SLC25A22: variants seen among roughly 807,000 people sequenced by gnomAD.
SLC25A22 encodes the protein mitochondrial glutamate carrier 1.
Under a neutral mutation model 33.7 loss-of-function variants are expected in SLC25A22, and 23 were observed. The observed-to-expected ratio is 0.68, with a 90% CI of 0.49 to 0.97. The LOEUF is 0.97. Ranked by LOEUF, SLC25A22 falls within the 50% of genes least tolerant of loss-of-function variation. SLC25A22 has a pLI of 0.00. For synonymous variants in SLC25A22, 245 were observed against 203.8 expected (o/e 1.20, Z -1.72); for missense variants, 390 against 451.1 (o/e 0.86, Z 1.23).
At chr11:798,168 C>T (rs1272748801) in intron 1 of SLC25A22, 49 bp downstream of exon 1, 2 of 397,670 alleles carry the variant, frequency 5.0e-6, no homozygotes, top group African/African-American at 2.1e-5. Flanking sequence ...CGCAGCCCGG[C>T]CGCGTTCGGA....
At position 791,646 on chromosome 11, in the gene SLC25A22, CAGGGCAGGATT is replaced by C. The variant is rs1207392352; in HGVS notation, c.*258_*268del. Reference sequence around the variant, plus strand: ...GCTCTGTCCCTGGGGGTGTTCAGGCCAGGGCAGGATTGGGGCAGGGGCTAGCTTGAGGAATG... The same window carrying C: ...GCTCTGTCCCTGGGGGTGTTCAGGCCGGGGCAGGGGCTAGCTTGAGGAATG... On this transcript the variant is annotated 3_prime_UTR_variant, in exon 10 of 10. Transcript: ENST00000628067. The C allele has an allele frequency of 5.6e-6, 3 of 536,614 alleles. No individual in the cohort carries two copies. The highest frequency in any genetic ancestry group is 1.0e-5 in the Non-Finnish European group (3 of 301,360). The allele number at this position is 536,614 out of a possible 1,614,324, so 33.2% of individuals were successfully genotyped here. A position where few individuals can be genotyped will look rare whatever the true frequency, so the allele number is the denominator to read the frequency against.
chr11:795,375 T>TCCCCCCCCC (rs1002951260), intron 1 of SLC25A22: 1 of 32,344 alleles, frequency 3.1e-5, no homozygotes, highest in African/African-American at 2.4e-4. Flanking sequence ...AGTCCCCCCC[T>TCCCCCCCCC]CCCCACCGCC....
rs548909007 is a variant in SLC25A22 at position 797,056 on chromosome 11, G to A, written c.-164+1161C>T. On this transcript the variant is annotated intron_variant, in intron 1 of 9. Transcript: ENST00000628067. ...CAGGGGTGTACCCTGGCCCTCCAGG[G>A]ACTGAGCAACCCCCTTCCTCCTGGG... Among the ~76,000 whole-genome samples, 14 of 152,290 alleles carry A rather than the reference G, an allele frequency of 9.2e-5. No individual in the cohort carries two copies. In the South Asian group the frequency reaches 2.5e-3, roughly 27 times the overall value.
chr11:792,104 C>G (rs753650062), intron 9 of SLC25A22, 36 bp from the exon 10 acceptor site: 2 of 1,603,418 alleles, frequency 1.2e-6, no homozygotes, highest in African/African-American at 2.7e-5. Flanking sequence ...GCCCGGTACG[C>G]AGGCCCCCAG....
chr11:791,648 G>A lies in SLC25A22; in HGVS notation c.*267C>T. The A allele has an allele frequency of 1.8e-6, 1 of 540,958 alleles. No individual in the cohort carries two copies. The highest frequency in any genetic ancestry group is 2.1e-5 in the South Asian group (1 of 48,652). The allele number at this position is 540,958 out of a possible 1,614,324, so 33.5% of individuals were successfully genotyped here. On this transcript the variant is annotated 3_prime_UTR_variant, in exon 10 of 10. Coordinates refer to ENST00000628067, the MANE Select transcript of SLC25A22 (RefSeq NM_001191061.2). The stretch of plus-strand genomic sequence containing the variant: ...TCTGTCCCTGGGGGTGTTCAGGCCA[G>A]GGCAGGATTGGGGCAGGGGCTAGCT...
intron 8 of SLC25A22, 28 bp downstream of exon 8, chr11:792,276 C>T (rs1864565289): frequency 6.2e-7 from 1 of 1,613,086 alleles, no homozygotes. Context: ...CGCCCCATCC[C>T]CAGCCGGGCG....
rs1864535910 is a variant in SLC25A22 at position 791,851 on chromosome 11, A to G, written c.*64T>C. On this transcript the variant is annotated 3_prime_UTR_variant, in exon 10 of 10. Coordinates refer to ENST00000628067, the MANE Select transcript of SLC25A22 (RefSeq NM_001191061.2). Reference sequence around the variant, plus strand: ...GTCTTCCCTTGCTCCGTCCTGGGCTAGCTGCCTGGCTCCAGCCCCACACCG... The same window carrying G: ...GTCTTCCCTTGCTCCGTCCTGGGCTGGCTGCCTGGCTCCAGCCCCACACCG... 2 of 1,525,436 alleles carry G rather than the reference A, an allele frequency of 1.3e-6. No homozygotes were observed. The highest frequency in any genetic ancestry group is 3.9e-5 in the Admixed American group (2 of 50,950). The allele number at this position is 1,525,436 out of a possible 1,614,324, so 94.5% of individuals were successfully genotyped here. A position where few individuals can be genotyped will look rare whatever the true frequency, so the allele number is the denominator to read the frequency against.
intron 1 of SLC25A22, chr11:797,691 T>A (rs2133731717): frequency 2.5e-6 from 1 of 398,664 alleles, no homozygotes; most frequent in East Asian, 3.6e-5. Flanking sequence ...CCCGTCCTCT[T>A]GGGGCGGTGC....
intron 1 of SLC25A22, chr11:795,647 T>C (rs1864787594): frequency 5.1e-6 from 1 of 195,822 alleles, no homozygotes; most frequent in South Asian, 8.9e-5. Context: ...CGACCTGGGC[T>C]CAGCTATCCC....
At chr11:796,739 G>A (rs905372669) in intron 1 of SLC25A22, among the ~76,000 whole-genome samples, 2 of 152,178 alleles carry the variant, frequency 1.3e-5, no homozygotes, top group African/African-American at 4.8e-5. Context: ...GGAAGAGCTA[G>A]CTGGGTGCCA....
chr11:791,933 C>T lies in SLC25A22; in HGVS notation c.954G>A (p.Leu318=). The part of the protein sequence containing the change: ...LGIAESLLGL[L]QDPQA The stretch of plus-strand genomic sequence containing the variant: ...GCTGGGCTCAGGCCTGGGGGTCCTG[C>T]AGCAGCCCCAGCAGGGACTCCGCGA... Residue 318 remains leucine (L), a synonymous_variant, in exon 10 of 10, where the codon CTG becomes CTA. Coordinates refer to ENST00000628067, the MANE Select transcript of SLC25A22 (RefSeq NM_001191061.2). The T allele has an allele frequency of 6.2e-7, 1 of 1,601,054 alleles. No individual in the cohort carries two copies. The highest frequency in any genetic ancestry group is 8.5e-7 in the Non-Finnish European group (1 of 1,179,096).
intron 4 of SLC25A22, 175 bp from the exon 5 acceptor site, chr11:793,794 G>A: frequency 1.6e-6 from 1 of 633,650 alleles, no homozygotes; most frequent in South Asian, 1.8e-5. Flanking sequence ...GCCAGGCAGG[G>A]ATGGGGCAGC....
At position 791,791 on chromosome 11, in the gene SLC25A22, C is replaced by T; in HGVS notation, c.*124G>A. ...CCTATGTGGACCCTGCACCCTGCCCCCTGCTGCCCCTGCCGACGGGAGGGC... is the reference window on the plus strand; with the variant it reads ...CCTATGTGGACCCTGCACCCTGCCCTCTGCTGCCCCTGCCGACGGGAGGGC... On this transcript the variant is annotated 3_prime_UTR_variant, in exon 10 of 10. Coordinates refer to ENST00000628067, the MANE Select transcript of SLC25A22 (RefSeq NM_001191061.2). 7.4e-7 allele frequency: 1 copy of T among 1,355,866 alleles called. No homozygotes were observed. The highest frequency in any genetic ancestry group is 9.8e-7 in the Non-Finnish European group (1 of 1,018,362). 84.0% of individuals were successfully genotyped at this position (1,355,866 alleles called of 1,614,324 possible). A position where few individuals can be genotyped will look rare whatever the true frequency, so the allele number is the denominator to read the frequency against.
intron 1 of SLC25A22, chr11:795,380 A>ACCGCCAGCGTCTTC (rs1864761328): frequency 5.5e-6 from 1 of 180,770 alleles, no homozygotes. Flanking sequence ...CCCCCTCCCC[A>ACCGCCAGCGTCTTC]CCGCCAGCGT....
Position 794,348 on chromosome 11 carries a change from C to T in SLC25A22, c.202+110G>A, listed in dbSNP as rs1342547225. On this transcript the variant is annotated intron_variant, in intron 4 of 9. Coordinates refer to ENST00000628067, the MANE Select transcript of SLC25A22 (RefSeq NM_001191061.2). The stretch of plus-strand genomic sequence containing the variant: ...CCCCACAAACACGTCCACGCTCACA[C>T]ACCAGGCCCAGGCTGGCCGCCCTGC... The T allele has an allele frequency of 5.5e-6, 7 of 1,268,588 alleles. No homozygotes were observed. The African/African-American group carries it at 8.9e-5, about 16-fold the overall frequency. 78.6% of individuals were successfully genotyped at this position (1,268,588 alleles called of 1,614,324 possible).
In SLC25A22 at chr11:791,816, C is replaced by G; in HGVS notation, c.*99G>C. The G allele has an allele frequency of 6.9e-7, 1 of 1,452,318 alleles. No homozygotes were observed. The allele number at this position is 1,452,318 out of a possible 1,614,324, so 90.0% of individuals were successfully genotyped here. ...CCTGCTGCCCCTGCCGACGGGAGGG[C>G]TGGGGAGGGGTCTTCCCTTGCTCCG... On this transcript the variant is annotated 3_prime_UTR_variant, in exon 10 of 10. Coordinates refer to ENST00000628067, the MANE Select transcript of SLC25A22 (RefSeq NM_001191061.2).
In SLC25A22 at chr11:790,738, C is replaced by A; in HGVS notation, c.*1177G>T. Reference sequence around the variant, plus strand: ...AGCACCAGCACATCAGGGTCTGTCACCAACACGATCACATGGCCAGGGCGG... The same window carrying A: ...AGCACCAGCACATCAGGGTCTGTCAACAACACGATCACATGGCCAGGGCGG... On this transcript the variant is annotated 3_prime_UTR_variant, in exon 10 of 10. Coordinates refer to ENST00000628067, the MANE Select transcript of SLC25A22 (RefSeq NM_001191061.2). 1 of 152,536 alleles carries A rather than the reference C, an allele frequency of 6.6e-6. No homozygotes were observed. 9.4% of individuals were successfully genotyped at this position (152,536 alleles called of 1,614,324 possible).
At chr11:795,421 C>A in intron 1 of SLC25A22, 1 of 376,806 alleles carries the variant, frequency 2.7e-6, no homozygotes, top group South Asian at 2.1e-5. Context: ...GCCGCTCACG[C>A]TCGGGGCTCA....
chr11:794,080 A>C (rs952979131), intron 4 of SLC25A22: 8 of 520,864 alleles, frequency 1.5e-5, no homozygotes, highest in Non-Finnish European at 2.5e-5. Flanking sequence ...GCTTCTGCCA[A>C]ATCTAGGCTC....
Sources: gnomAD v4.1 joint callset for allele counts (sites outside exome capture counted in the v4.1 genomes callset) on GRCh38, gnomAD v4.1.1 for gene constraint, MANE v1.5 for transcripts, NCBI Gene and HGNC (gene_info 2026-07-23, HGNC 2026-07-21) for gene names.